RIN2: variants seen among roughly 807,000 people sequenced by gnomAD.
The protein encoded by RIN2 is RAB5 interacting protein 2.
A neutral mutation model predicts 78.0 loss-of-function variants in RIN2; 36 were observed. The ratio of observed to expected loss-of-function variants is 0.46; its 90% CI spans 0.35 to 0.61. The LOEUF is 0.61. Among genes scored for constraint, RIN2 ranks in the 20% least tolerant of loss-of-function variants. The pLI, the probability that RIN2 is intolerant of heterozygous loss-of-function variation, is 0.00. For synonymous variants in RIN2, 466 were observed against 466.8 expected (o/e 1.00, Z 0.02); for missense variants, 1,087 against 1,159.7 (o/e 0.94, Z 0.91).
In RIN2 at chr20:19,833,282, G is replaced by GA. The variant is rs1367093068; in HGVS notation, c.-37+33535_-37+33536insA. ...TCTATATATAGATAGATAGATATAG[G>GA]TTATATATATATATTTTAACTTTAA... is the stretch of plus-strand genomic sequence containing the variant. On this transcript the variant is annotated intron_variant, in intron 2 of 12. Transcript: ENST00000255006. 5.1e-3 allele frequency among the ~76,000 whole-genome samples: 748 copies of GA among 147,036 alleles called. 8 individuals are homozygous for GA. Among genetic ancestry groups the GA allele is most frequent in the African/African-American group, 0.019 (720 of 38,848 alleles).
At chr20:19,839,366 C>T (rs927937635) in intron 2 of RIN2, among the ~76,000 whole-genome samples, 12 of 152,214 alleles carry the variant, frequency 7.9e-5, no homozygotes, top group African/African-American at 7.2e-5. Flanking sequence ...GGGCTAGATC[C>T]GCCGTATCAT....
At chr20:19,889,525 C>T (rs1395617502) in intron 2 of RIN2, 41 bp from the exon 3 acceptor site, 2 of 1,520,716 alleles carry the variant, frequency 1.3e-6, no homozygotes, top group East Asian at 2.5e-5. Flanking sequence ...AAGGAATTTC[C>T]TACAGGCTGG....
intron 2 of RIN2, among the ~76,000 whole-genome samples, chr20:19,881,565 T>G (rs6136867): frequency 0.2 from 30,608 of 152,038 alleles, 3,179 homozygotes; most frequent in African/African-American, 0.25. Flanking sequence ...ACCCAAAACA[T>G]TGTATTTTAT....
At chr20:19,827,957 C>T (rs2036146117) in intron 2 of RIN2, among the ~76,000 whole-genome samples, 1 of 152,054 alleles carries the variant, frequency 6.6e-6, no homozygotes, top group Admixed American at 6.5e-5. Flanking sequence ...CACACAGATC[C>T]AGCACACTGT....
intron 2 of RIN2, chr20:19,824,080 T>C (rs1288760049): frequency 1.6e-6 from 1 of 611,842 alleles, no homozygotes; most frequent in Non-Finnish European, 2.9e-6. Context: ...TATGCACATG[T>C]GCTGAGTTAA....
intron 5 of RIN2, among the ~76,000 whole-genome samples, chr20:19,958,609 C>T (rs1021856644): frequency 6.6e-6 from 1 of 152,352 alleles, no homozygotes; most frequent in African/African-American, 2.4e-5. Context: ...TGGCTCAGGC[C>T]TGTAATCCCA....
At chr20:19,954,835 A>G (rs2041470413) in intron 4 of RIN2, among the ~76,000 whole-genome samples, 1 of 152,136 alleles carries the variant, frequency 6.6e-6, no homozygotes, top group African/African-American at 2.4e-5. Flanking sequence ...GTTATCACTC[A>G]GGACAGCTCA....
intron 1 of RIN2, among the ~76,000 whole-genome samples, chr20:19,769,810 A>G (rs554209438): frequency 1.5e-4 from 23 of 152,338 alleles, no homozygotes; most frequent in African/African-American, 4.8e-4. Flanking sequence ...GTGGATCATG[A>G]TAAGCTCTAA....
rs533549227 is a variant in RIN2 at position 19,967,547 on chromosome 20, A to G, written c.536+2523A>G. Among the ~76,000 whole-genome samples, 3 of 152,378 alleles carry G rather than the reference A, an allele frequency of 2.0e-5. No individual in the cohort carries two copies. In the South Asian group the frequency reaches 6.2e-4, roughly 32 times the overall value. ...TATGCATTGCACAAGAGAATTCACG[A>G]ATCAATAAACATAGGATTTGCCATA... On this transcript the variant is annotated intron_variant, in intron 7 of 12. Transcript: ENST00000255006.
intron 3 of RIN2, among the ~76,000 whole-genome samples, chr20:19,922,936 T>C (rs1276976990): frequency 6.6e-6 from 1 of 152,208 alleles, no homozygotes; most frequent in Non-Finnish European, 1.5e-5. Flanking sequence ...GCTCGCCTGC[T>C]GGGGGCTCTG....
intron 2 of RIN2, among the ~76,000 whole-genome samples, chr20:19,877,821 C>T (rs2123414766): frequency 6.6e-6 from 1 of 152,144 alleles, no homozygotes; most frequent in Middle Eastern, 3.4e-3. Flanking sequence ...GAGTTCAAGA[C>T]TAGACTGGAC....
At chr20:19,912,986 A>C (rs960604643) in intron 3 of RIN2, among the ~76,000 whole-genome samples, 1 of 152,152 alleles carries the variant, frequency 6.6e-6, no homozygotes, top group Non-Finnish European at 1.5e-5. Context: ...GTCCAGAGAA[A>C]GTGCTGCGAG....
At chr20:19,941,466 A>G (rs553316663) in intron 4 of RIN2, among the ~76,000 whole-genome samples, 17 of 152,326 alleles carry the variant, frequency 1.1e-4, no homozygotes, top group African/African-American at 2.9e-4. Flanking sequence ...TGCTTTTTAA[A>G]TAATTTTCCA....
intron 4 of RIN2, among the ~76,000 whole-genome samples, chr20:19,944,506 T>C (rs1226045686): frequency 6.6e-6 from 1 of 152,206 alleles, no homozygotes; most frequent in Non-Finnish European, 1.5e-5. Context: ...TGCATTGGCC[T>C]CTTGTAGCTA....
chr20:19,851,208 C>T (rs1296595817), intron 2 of RIN2, among the ~76,000 whole-genome samples: 1 of 152,004 alleles, frequency 6.6e-6, no homozygotes, highest in African/African-American at 2.4e-5. Flanking sequence ...GGGTCAGTGG[C>T]AAAGAGAAAA....
chr20:19,990,858 C>G (rs2042777383), intron 10 of RIN2, among the ~76,000 whole-genome samples: 1 of 152,276 alleles, frequency 6.6e-6, no homozygotes. Context: ...TATAATGAGG[C>G]CTCATTAGAG....
At chr20:20,000,554 T>G in intron 12 of RIN2, 59 bp from the exon 13 acceptor site, 2 of 1,354,790 alleles carry the variant, frequency 1.5e-6, no homozygotes, top group Non-Finnish European at 2.0e-6. Flanking sequence ...TGGTCCCCCA[T>G]CATGCTCACT....
At chr20:19,916,791 C>G (rs2039703056) in intron 3 of RIN2, among the ~76,000 whole-genome samples, 2 of 152,204 alleles carry the variant, frequency 1.3e-5, no homozygotes, top group Non-Finnish European at 2.9e-5. Flanking sequence ...GTTTAATGTG[C>G]TTCCACTGTT....
chr20:19,972,268 A>C (rs951485774), intron 8 of RIN2, among the ~76,000 whole-genome samples: 11 of 152,206 alleles, frequency 7.2e-5, no homozygotes, highest in Non-Finnish European at 1.5e-5. Flanking sequence ...ACTAGATTCT[A>C]GGCCTCTTGA....
Sources: gnomAD v4.1 joint callset for allele counts (sites outside exome capture counted in the v4.1 genomes callset) on GRCh38, gnomAD v4.1.1 for gene constraint, MANE v1.5 for transcripts, NCBI Gene and HGNC (gene_info 2026-07-23, HGNC 2026-07-21) for gene names.